Variants in PTPRZ1 observed in about 807,000 individuals in gnomAD.
The protein encoded by PTPRZ1 is receptor-type tyrosine-protein phosphatase zeta.
PTPRZ1 carries 82 observed loss-of-function variants against 214.1 expected under a neutral mutation model. That is an observed-to-expected ratio of 0.38 (90% confidence interval 0.32 to 0.46). The LOEUF (loss-of-function observed/expected upper bound fraction) is 0.46. Among genes scored for constraint, PTPRZ1 ranks in the 20% least tolerant of loss-of-function variants. The pLI is 1.00. For missense variants in PTPRZ1, 2,603 were observed against 2,748.7 expected, an observed-to-expected ratio of 0.95 and a Z score of 1.19; for synonymous variants, 945 against 987.9, an observed-to-expected ratio of 0.96 and a Z score of 0.81.
intron 3 of PTPRZ1, among the ~76,000 whole-genome samples, chr7:121,968,698 G>A (rs190217121): frequency 8.3e-4 from 124 of 150,234 alleles, no homozygotes; most frequent in Admixed American, 2.5e-3. Context: ...ATTCTAATAA[G>A]CTATACATAG....
intron 1 of PTPRZ1, among the ~76,000 whole-genome samples, chr7:121,891,379 G>C (rs1794604067): frequency 1.3e-5 from 2 of 148,760 alleles, no homozygotes; most frequent in Non-Finnish European, 3.0e-5. Context: ...GTTCACCATG[G>C]AGCCCCAGAC....
intron 1 of PTPRZ1, among the ~76,000 whole-genome samples, chr7:121,897,994 A>G (rs922802649): frequency 1.3e-5 from 2 of 152,238 alleles, no homozygotes; most frequent in African/African-American, 2.4e-5. Context: ...GAAGGAAAAA[A>G]GAACTTTGCC....
At chr7:121,947,001 A>G (rs930473247) in intron 2 of PTPRZ1, among the ~76,000 whole-genome samples, 1 of 152,174 alleles carries the variant, frequency 6.6e-6, no homozygotes, top group African/African-American at 2.4e-5. Flanking sequence ...GTGTTACTGA[A>G]TGGAAACTTA....
Position 122,010,396 on chromosome 7 carries a change from T to C in PTPRZ1, c.1350T>C (p.Ala450=). Residue 450 remains alanine (A), a synonymous_variant, in exon 12 of 30, where the codon GCT becomes GCC. Coordinates refer to ENST00000393386, the MANE Select transcript of PTPRZ1 (RefSeq NM_002851.3). The part of the protein sequence containing the change: ...GAIVNPGRDS[A]TNQIRKKEPQ... The stretch of plus-strand genomic sequence containing the variant: ...TTGTGAATCCTGGTAGAGACAGTGC[T>C]ACAAACCAAATCAGGAAAAAGGAAC... 1 of 1,614,008 alleles carries C rather than the reference T, an allele frequency of 6.2e-7. No individual in the cohort carries two copies. The highest frequency in any genetic ancestry group is 8.5e-7 in the Non-Finnish European group (1 of 1,179,948).
chr7:121,905,322 CAGCATCCCTCACACCTCTCCCT>C (rs1191644106), intron 1 of PTPRZ1, among the ~76,000 whole-genome samples: 1 of 152,034 alleles, frequency 6.6e-6, no homozygotes, highest in Non-Finnish European at 1.5e-5. Context: ...ACTTTTACCC[CAGCATCCCTCACACCTCTCCCT>C]AGGCCTTATG....
chr7:121,994,579 G>C (rs1176931520), intron 8 of PTPRZ1, among the ~76,000 whole-genome samples: 1 of 152,142 alleles, frequency 6.6e-6, no homozygotes, highest in Non-Finnish European at 1.5e-5. Flanking sequence ...TCTGTAAAAA[G>C]TGGAATTGAT....
chr7:122,017,758 G>A (rs1798888407), intron 12 of PTPRZ1, among the ~76,000 whole-genome samples: 1 of 151,518 alleles, frequency 6.6e-6, no homozygotes, highest in Non-Finnish European at 1.5e-5. Context: ...TTTTAGTAGA[G>A]ATGGGGTTTC....
At position 122,012,566 on chromosome 7, in the gene PTPRZ1, GCTT is replaced by G; in HGVS notation, c.3524_3526del (p.Ser1175del). ...TCAGCTCTTATTTTATGAGACCTCA[GCTT>G]CTTTTAGTACTGAAGTATTGCTACA... On this transcript the variant is annotated inframe_deletion, in exon 12 of 30. Transcript: ENST00000393386. The G allele has an allele frequency of 6.2e-7, 1 of 1,613,712 alleles. No homozygotes were observed.
chr7:122,029,666 A>G (rs1799316906), intron 14 of PTPRZ1, among the ~76,000 whole-genome samples: 1 of 151,920 alleles, frequency 6.6e-6, no homozygotes, highest in East Asian at 1.9e-4. Flanking sequence ...ATCTTCTGAA[A>G]TCTCATGACT....
At chr7:121,958,465 C>A (rs1042819463) in intron 2 of PTPRZ1, among the ~76,000 whole-genome samples, 1 of 152,194 alleles carries the variant, frequency 6.6e-6, no homozygotes, top group African/African-American at 2.4e-5. Flanking sequence ...AATGTTAGTG[C>A]TTTCCACCAT....
At chr7:122,060,877 T>C (rs1792551138) in intron 29 of PTPRZ1, among the ~76,000 whole-genome samples, 1 of 152,162 alleles carries the variant, frequency 6.6e-6, no homozygotes, top group East Asian at 1.9e-4. Context: ...TCTAGGTCAG[T>C]GAATGGTCTG....
In PTPRZ1 at chr7:122,011,291, A is replaced by G. The variant is rs977967178; in HGVS notation, c.2245A>G (p.Thr749Ala). 6.2e-7 allele frequency: 1 copy of G among 1,614,052 alleles called. No homozygotes were observed. Among genetic ancestry groups the G allele is most frequent in the Non-Finnish European group, 8.5e-7 (1 of 1,179,986 alleles). ...GGTCAACGTGGTATACTCGCAGACA[A>G]CCCAACCGGTATACAATGGTGAGAC... is the stretch of plus-strand genomic sequence containing the variant. The part of the protein sequence containing the change: ...STVNVVYSQT[T>A]QPVYNGETPL... The change falls in exon 12 of 30, where the codon ACC (threonine) becomes GCC (alanine). Residue 749 changes from threonine to alanine, a missense_variant. Around this residue, in one of 6 missense-constraint regions of PTPRZ1, gnomAD observed 1,913 missense variants for 1,914.3 expected, o/e 1.00. Transcript: ENST00000393386.
chr7:121,898,357 A>G (rs938379058), intron 1 of PTPRZ1, among the ~76,000 whole-genome samples: 21 of 152,192 alleles, frequency 1.4e-4, no homozygotes, highest in African/African-American at 5.1e-4. Context: ...TTCACAATCC[A>G]AAAATGCTGT....
chr7:121,994,859 T>C (rs1196471), intron 8 of PTPRZ1, among the ~76,000 whole-genome samples: 63,359 of 151,958 alleles, frequency 0.42, 13,571 homozygotes, highest in South Asian at 0.58. Flanking sequence ...GAAATAATTT[T>C]TCTTTTATTT....
intron 2 of PTPRZ1, among the ~76,000 whole-genome samples, chr7:121,952,160 G>A (rs373620656): frequency 2.6e-5 from 4 of 152,148 alleles, no homozygotes; most frequent in Admixed American, 2.0e-4. Flanking sequence ...GGGTTTCACC[G>A]TGTTAGCGAG....
At chr7:121,976,152 C>T in intron 4 of PTPRZ1, 21 bp from the exon 5 acceptor site, 2 of 1,505,982 alleles carry the variant, frequency 1.3e-6, no homozygotes, top group Non-Finnish European at 1.8e-6. Flanking sequence ...TATCATAAAA[C>T]TATCATTGTT....
At chr7:122,044,812 T>G (rs1465865513) in intron 23 of PTPRZ1, among the ~76,000 whole-genome samples, 11 of 152,072 alleles carry the variant, frequency 7.2e-5, no homozygotes, top group Non-Finnish European at 1.2e-4. Context: ...AATGCAAACT[T>G]GGTCGAGAAA....
intron 10 of PTPRZ1, among the ~76,000 whole-genome samples, chr7:121,998,619 T>A (rs543585649): frequency 6.6e-6 from 1 of 152,182 alleles, no homozygotes; most frequent in Non-Finnish European, 1.5e-5. Flanking sequence ...GAAAATCTTT[T>A]GATCTTAGAG....
chr7:121,886,040 G>A (rs1346889019), intron 1 of PTPRZ1, among the ~76,000 whole-genome samples: 3 of 152,164 alleles, frequency 2.0e-5, no homozygotes, highest in South Asian at 2.1e-4. Context: ...CAAGGGGAGT[G>A]CTGGTTTTTA....
Sources: gnomAD v4.1 joint callset for allele counts (sites outside exome capture counted in the v4.1 genomes callset) on GRCh38, gnomAD v4.1.1 for gene constraint, gnomAD v4.1.1 regional missense constraint, MANE v1.5 for transcripts, NCBI Gene and HGNC (gene_info 2026-07-23, HGNC 2026-07-21) for gene names.